Variants in PPARGC1A observed in about 807,000 individuals in gnomAD.
The protein encoded by PPARGC1A is peroxisome proliferator-activated receptor gamma coactivator 1-alpha.
PPARGC1A carries 25 observed loss-of-function variants against 88.7 expected under a neutral mutation model. The observed-to-expected ratio is 0.28, with a 90% CI of 0.21 to 0.39. The LOEUF (loss-of-function observed/expected upper bound fraction) is 0.39. Ranked by LOEUF, PPARGC1A falls within the 10% of genes least tolerant of loss-of-function variation. The pLI, the probability that PPARGC1A is intolerant of heterozygous loss-of-function variation, is 1.00. For missense variants in PPARGC1A, 880 were observed against 968.7 expected (o/e 0.91, Z 1.22); for synonymous variants, 363 against 355.6 (o/e 1.02, Z -0.24).
At chr4:23,807,262 T>C (rs1405715228) in intron 10 of PPARGC1A, among the ~76,000 whole-genome samples, 10 of 152,162 alleles carry the variant, frequency 6.6e-5, no homozygotes, top group Non-Finnish European at 1.2e-4. Context: ...TGAGAAGTGT[T>C]TTTCTTTCTT....
At chr4:24,045,163 A>G in the PPARGC1A span, among the ~76,000 whole-genome samples, 2 of 152,228 alleles carry the variant, frequency 1.3e-5, no homozygotes, top group Non-Finnish European at 2.9e-5. Context: ...TGCTATGTCA[A>G]CTGGTGCAAG....
chr4:24,380,210 G>T, the PPARGC1A span, among the ~76,000 whole-genome samples: 1 of 152,076 alleles, frequency 6.6e-6, no homozygotes, highest in African/African-American at 2.4e-5. Context: ...ACAGTACATG[G>T]GAGTAACTCA....
the PPARGC1A span, among the ~76,000 whole-genome samples, chr4:24,259,796 G>T: frequency 1.3e-5 from 2 of 152,074 alleles, no homozygotes; most frequent in Non-Finnish European, 2.9e-5. Context: ...CTGAGATACT[G>T]TTATAATTAC....
chr4:24,041,711 G>C, the PPARGC1A span, among the ~76,000 whole-genome samples: 1 of 152,048 alleles, frequency 6.6e-6, no homozygotes, highest in Non-Finnish European at 1.5e-5. Context: ...TGAACTTTTT[G>C]ATACAATGTC....
At chr4:24,037,104 T>C in the PPARGC1A span, among the ~76,000 whole-genome samples, 2 of 152,190 alleles carry the variant, frequency 1.3e-5, no homozygotes, top group Non-Finnish European at 2.9e-5. Context: ...TCCAGCCACC[T>C]CTCTGGAAGC....
chr4:24,225,289 G>T, the PPARGC1A span, among the ~76,000 whole-genome samples: 174 of 152,252 alleles, frequency 1.1e-3, no homozygotes, highest in African/African-American at 4.1e-3. Context: ...AGTGACTAGG[G>T]CTGGGCACGG....
At chr4:23,871,963 C>G (rs183810313) in intron 2 of PPARGC1A, among the ~76,000 whole-genome samples, 2 of 152,182 alleles carry the variant, frequency 1.3e-5, no homozygotes, top group South Asian at 4.2e-4. Context: ...GGAAAGGGAT[C>G]GGTAGCATTC....
At chr4:24,002,603 G>GT in the PPARGC1A span, among the ~76,000 whole-genome samples, 1 of 119,160 alleles carries the variant, frequency 8.4e-6, no homozygotes, top group Admixed American at 9.6e-5. Flanking sequence ...AGTGCATGCT[G>GT]CTTTTTTTTT....
chr4:24,229,152 C>CTTTTTTTTTTGTTTTTT, the PPARGC1A span, among the ~76,000 whole-genome samples: 1 of 60,894 alleles, frequency 1.6e-5, no homozygotes, highest in African/African-American at 5.9e-5. Context: ...GTATCTGGAC[C>CTTTTTTTTTTGTTTTTT]TTTTTTTTTT....
chr4:23,979,670 G>T, the PPARGC1A span, among the ~76,000 whole-genome samples: 2 of 151,696 alleles, frequency 1.3e-5, no homozygotes, highest in East Asian at 3.9e-4. Context: ...ACAACCCTGC[G>T]GGGGGGACAA....
At chr4:24,119,872 G>A in the PPARGC1A span, among the ~76,000 whole-genome samples, 1 of 152,088 alleles carries the variant, frequency 6.6e-6, no homozygotes, top group Non-Finnish European at 1.5e-5. Context: ...GTGCCTGAAA[G>A]TCTTCTGCCT....
the PPARGC1A span, among the ~76,000 whole-genome samples, chr4:23,974,945 A>G: frequency 6.6e-6 from 1 of 150,808 alleles, no homozygotes; most frequent in Admixed American, 6.7e-5. Context: ...ATGAGCAACC[A>G]CACCCGGCTC....
chr4:23,929,307 A>C, the PPARGC1A span, among the ~76,000 whole-genome samples: 3 of 152,176 alleles, frequency 2.0e-5, no homozygotes, highest in African/African-American at 7.2e-5. Flanking sequence ...TGGTAGAAGG[A>C]AAACTTGTGT....
chr4:24,087,086 G>C, the PPARGC1A span, among the ~76,000 whole-genome samples: 1 of 152,168 alleles, frequency 6.6e-6, no homozygotes, highest in Non-Finnish European at 1.5e-5. Context: ...ATATGTTCCA[G>C]TTCCAATTTT....
At chr4:23,988,818 A>G in the PPARGC1A span, among the ~76,000 whole-genome samples, 1 of 148,870 alleles carries the variant, frequency 6.7e-6, no homozygotes, top group East Asian at 2.0e-4. Flanking sequence ...ACTATTATAC[A>G]TATATTTTAA....
chr4:24,392,170 T>A, the PPARGC1A span, among the ~76,000 whole-genome samples: 9 of 152,318 alleles, frequency 5.9e-5, no homozygotes, highest in Admixed American at 3.9e-4. Flanking sequence ...GGAAGGACAG[T>A]TACATGTGTC....
the PPARGC1A span, among the ~76,000 whole-genome samples, chr4:24,335,724 C>T: frequency 6.6e-6 from 1 of 152,158 alleles, no homozygotes; most frequent in African/African-American, 2.4e-5. Flanking sequence ...ACAACAGGCC[C>T]ATGACAGTCC....
intron 1 of PPARGC1A, chr4:23,888,936 T>G: frequency 1.0e-6 from 1 of 985,196 alleles, no homozygotes; most frequent in Non-Finnish European, 1.2e-6. Context: ...CGAGTCCATC[T>G]CACCAGAGTC....
chr4:23,943,830 C>A, the PPARGC1A span, among the ~76,000 whole-genome samples: 11 of 152,104 alleles, frequency 7.2e-5, no homozygotes, highest in Non-Finnish European at 1.5e-4. Context: ...ACCTCTGTGG[C>A]CTTGCTCCCC....
Sources: allele counts gnomAD v4.1 joint callset (sites outside exome capture counted in the v4.1 genomes callset), GRCh38; gene constraint gnomAD v4.1.1; transcripts MANE v1.5; gene names NCBI Gene and HGNC (gene_info 2026-07-23, HGNC 2026-07-21).